The following MAGI1 variants were observed in gnomAD, a reference collection of about 807,000 sequenced individuals.
MAGI1 encodes membrane-associated guanylate kinase, WW and PDZ domain-containing protein 1.
A neutral mutation model predicts 139.9 loss-of-function variants in MAGI1; 58 were observed. The ratio of observed to expected loss-of-function variants is 0.41; its 90% CI spans 0.34 to 0.52. The LOEUF is 0.52. Among genes scored for constraint, MAGI1 ranks in the 20% least tolerant of loss-of-function variants. The pLI is 0.12. For synonymous variants in MAGI1, 812 were observed against 737.9 expected, an observed-to-expected ratio of 1.10 and a Z score of -1.63; for missense variants, 1,874 against 1,901.6, an observed-to-expected ratio of 0.99 and a Z score of 0.27.
At chr3:65,746,586 T>C (rs2035727825) in intron 1 of MAGI1, among the ~76,000 whole-genome samples, 1 of 152,068 alleles carries the variant, frequency 6.6e-6, no homozygotes, top group African/African-American at 2.4e-5. Context: ...AACCCCTGAA[T>C]TCACCCGTCC....
intron 1 of MAGI1, among the ~76,000 whole-genome samples, chr3:65,693,020 T>C (rs1271619388): frequency 1.3e-5 from 2 of 152,208 alleles, no homozygotes; most frequent in African/African-American, 2.4e-5. Context: ...CAGCCTTGAC[T>C]TCCTGGGCTC....
chr3:65,521,589 GA>G (rs1300648697), intron 2 of MAGI1, among the ~76,000 whole-genome samples: 2 of 152,070 alleles, frequency 1.3e-5, no homozygotes, highest in Non-Finnish European at 1.5e-5. Context: ...AATATTCATG[GA>G]CAATGAAAAC....
At chr3:66,011,496 C>A (rs1423880937) in intron 1 of MAGI1, among the ~76,000 whole-genome samples, 1 of 152,134 alleles carries the variant, frequency 6.6e-6, no homozygotes, top group South Asian at 2.1e-4. Flanking sequence ...CTATGCCACC[C>A]GCCTCCAGGA....
intron 1 of MAGI1, among the ~76,000 whole-genome samples, chr3:65,634,235 C>A (rs1017600141): frequency 2.0e-5 from 3 of 152,106 alleles, no homozygotes; most frequent in Non-Finnish European, 4.4e-5. Context: ...TGTTCACAAT[C>A]AGAATGATAA....
intron 2 of MAGI1, among the ~76,000 whole-genome samples, chr3:65,530,624 G>GGTGTGT (rs57337916): frequency 1.4e-4 from 18 of 129,280 alleles, no homozygotes; most frequent in African/African-American, 5.1e-4. Context: ...ATGTGTGTGT[G>GGTGTGT]GTGTGTGTGT....
intron 2 of MAGI1, among the ~76,000 whole-genome samples, chr3:65,524,477 G>T (rs1190197302): frequency 2.6e-5 from 4 of 152,184 alleles, no homozygotes; most frequent in Non-Finnish European, 1.5e-5. Context: ...AGTTAGACAT[G>T]TAGGGTAAAT....
chr3:65,708,796 C>T (rs1335366378), intron 1 of MAGI1, among the ~76,000 whole-genome samples: 2 of 152,216 alleles, frequency 1.3e-5, no homozygotes, highest in Non-Finnish European at 2.9e-5. Context: ...CCATTCTTCT[C>T]AATCAACCCT....
intron 1 of MAGI1, among the ~76,000 whole-genome samples, chr3:65,813,738 A>G (rs1004333913): frequency 5.9e-5 from 9 of 152,222 alleles, no homozygotes; most frequent in Admixed American, 6.5e-5. Flanking sequence ...GTTTAGAACA[A>G]TTAAAGTCAT....
chr3:65,957,533 AAG>A (rs1216335035), intron 1 of MAGI1, among the ~76,000 whole-genome samples: 2,564 of 38,924 alleles, frequency 0.066, 131 homozygotes, highest in African/African-American at 0.26. Context: ...AAAAAAAAAA[AAG>A]AAAAAGAAAA....
intron 1 of MAGI1, among the ~76,000 whole-genome samples, chr3:65,654,288 C>T (rs1013207845): frequency 1.6e-4 from 24 of 152,152 alleles, no homozygotes; most frequent in African/African-American, 4.6e-4. Context: ...TGCTTTCACA[C>T]GTCATCCCCA....
intron 1 of MAGI1, among the ~76,000 whole-genome samples, chr3:65,794,781 A>G (rs2040012980): frequency 6.6e-6 from 1 of 151,982 alleles, no homozygotes; most frequent in African/African-American, 2.4e-5. Flanking sequence ...TTTTGACTAA[A>G]TCTTTTATGT....
At chr3:65,576,284 T>C (rs954963944) in intron 2 of MAGI1, among the ~76,000 whole-genome samples, 11 of 152,188 alleles carry the variant, frequency 7.2e-5, no homozygotes, top group Admixed American at 6.5e-5. Context: ...AGTGGCCCTC[T>C]GAAAATTCAG....
At chr3:66,006,893 C>G (rs576740268) in intron 1 of MAGI1, among the ~76,000 whole-genome samples, 1 of 152,136 alleles carries the variant, frequency 6.6e-6, no homozygotes, top group South Asian at 2.1e-4. Flanking sequence ...TGTAGTAGCT[C>G]AATCATAGCT....
At chr3:65,930,315 C>CAAAAAAAAAAAAAAAAAAAA (rs58258730) in intron 1 of MAGI1, among the ~76,000 whole-genome samples, 7 of 87,630 alleles carry the variant, frequency 8.0e-5, no homozygotes, top group Non-Finnish European at 1.4e-4. Flanking sequence ...GACTCCGTCT[C>CAAAAAAAAAAAAAAAAAAAA]AAAAAAAAAA....
At chr3:65,708,051 C>A (rs903313660) in intron 1 of MAGI1, among the ~76,000 whole-genome samples, 1 of 152,148 alleles carries the variant, frequency 6.6e-6, no homozygotes, top group Non-Finnish European at 1.5e-5. Flanking sequence ...CATAGTTCTA[C>A]ATATGTCCTA....
chr3:65,556,541 G>A (rs2107994377), intron 2 of MAGI1, among the ~76,000 whole-genome samples: 1 of 152,252 alleles, frequency 6.6e-6, no homozygotes, highest in East Asian at 1.9e-4. Context: ...TAAAGCCTGA[G>A]AATTCATCCT....
At chr3:65,620,273 G>C (rs2083594162) in intron 2 of MAGI1, among the ~76,000 whole-genome samples, 1 of 152,126 alleles carries the variant, frequency 6.6e-6, no homozygotes, top group South Asian at 2.1e-4. Flanking sequence ...TATAACTTCA[G>C]AGGCAGCTAC....
intron 1 of MAGI1, among the ~76,000 whole-genome samples, chr3:65,652,937 A>G (rs1181953833): frequency 6.6e-6 from 1 of 152,168 alleles, no homozygotes; most frequent in Non-Finnish European, 1.5e-5. Flanking sequence ...GGCCTAAGTT[A>G]CTATCAAAAA....
intron 2 of MAGI1, among the ~76,000 whole-genome samples, chr3:65,615,885 G>A (rs1398320509): frequency 2.0e-5 from 3 of 152,178 alleles, no homozygotes; most frequent in African/African-American, 7.2e-5. Flanking sequence ...TACAAGCAGT[G>A]CAGTGATATC....
Sources: allele counts gnomAD v4.1 joint callset (sites outside exome capture counted in the v4.1 genomes callset), GRCh38; gene constraint gnomAD v4.1.1; transcripts MANE v1.5; gene names NCBI Gene and HGNC (gene_info 2026-07-23, HGNC 2026-07-21).